The following NRG1 variants were observed in gnomAD, a reference collection of about 807,000 sequenced individuals.
NRG1 encodes pro-neuregulin-1, membrane-bound isoform.
A neutral mutation model predicts 63.8 loss-of-function variants in NRG1; 18 were observed. The ratio of observed to expected loss-of-function variants is 0.28; its 90% confidence interval spans 0.19 to 0.42. The LOEUF (loss-of-function observed/expected upper bound fraction) is 0.42. Ranked by LOEUF, NRG1 falls within the 10% of genes least tolerant of loss-of-function variation. The pLI, the probability that NRG1 is intolerant of heterozygous loss-of-function variation, is 1.00. For missense variants in NRG1, 762 were observed against 814.7 expected (o/e 0.94, Z 0.79); for synonymous variants, 302 against 301.3 (o/e 1.00, Z -0.02).
At chr8:31,972,641 C>T (rs1807488241) in intron 1 of NRG1, among the ~76,000 whole-genome samples, 1 of 152,144 alleles carries the variant, frequency 6.6e-6, no homozygotes, top group Admixed American at 6.5e-5. Flanking sequence ...CTCTCTTGGC[C>T]TTTCAACTCA....
intron 1 of NRG1, among the ~76,000 whole-genome samples, chr8:31,874,744 C>T (rs1169495224): frequency 6.6e-6 from 1 of 151,938 alleles, no homozygotes; most frequent in African/African-American, 2.4e-5. Context: ...CCACCTTCCC[C>T]CACCCCAACC....
chr8:32,363,443 T>A (rs1807503854), intron 1 of NRG1, among the ~76,000 whole-genome samples: 1 of 152,196 alleles, frequency 6.6e-6, no homozygotes, highest in African/African-American at 2.4e-5. Flanking sequence ...GGTATACGGG[T>A]ATTAAAATAC....
At position 32,383,972 on chromosome 8, in the gene NRG1, C is replaced by T. The variant is rs1345700877; in HGVS notation, c.38-211856C>T. 2.0e-5 allele frequency among the ~76,000 whole-genome samples: 3 copies of T among 152,208 alleles called. No individual in the cohort carries two copies. The South Asian group carries it at 6.2e-4, about 32-fold the overall frequency. ...AAATGAAGCTGGGCACAGTGGCTCACACTTGTAATCCCAGCATTTTGGGAG... is the reference window on the plus strand; with the variant it reads ...AAATGAAGCTGGGCACAGTGGCTCATACTTGTAATCCCAGCATTTTGGGAG... On this transcript the variant is annotated intron_variant, in intron 1 of 10. Coordinates refer to the NRG1 transcript ENST00000519301.
chr8:31,955,457 C>G (rs1428489102), intron 1 of NRG1, among the ~76,000 whole-genome samples: 1 of 152,146 alleles, frequency 6.6e-6, no homozygotes, highest in Non-Finnish European at 1.5e-5. Context: ...AGTTCTAAGA[C>G]AAAAGAAAGA....
chr8:32,003,181 G>T (rs1315166727), intron 1 of NRG1, among the ~76,000 whole-genome samples: 2 of 152,014 alleles, frequency 1.3e-5, no homozygotes, highest in Non-Finnish European at 2.9e-5. Context: ...TTTTGGAACA[G>T]CCTGCATTCC....
chr8:31,822,551 C>T (rs1251657760), intron 1 of NRG1, among the ~76,000 whole-genome samples: 1 of 152,150 alleles, frequency 6.6e-6, no homozygotes, highest in African/African-American at 2.4e-5. Context: ...GCCACTAGGC[C>T]TCCCAGTCGT....
At chr8:32,033,127 C>T (rs1818523734) in intron 1 of NRG1, among the ~76,000 whole-genome samples, 1 of 145,000 alleles carries the variant, frequency 6.9e-6, no homozygotes, top group Non-Finnish European at 1.5e-5. Flanking sequence ...CAGAGTCTCG[C>T]TCTTCTGCCC....
chr8:31,859,845 C>T (rs1206095059), intron 1 of NRG1, among the ~76,000 whole-genome samples: 1 of 152,290 alleles, frequency 6.6e-6, no homozygotes, highest in Middle Eastern at 3.4e-3. Context: ...CCTGGAAAAT[C>T]GAACTTAATT....
chr8:32,410,149 G>A (rs1201747034), intron 1 of NRG1, among the ~76,000 whole-genome samples: 4 of 146,872 alleles, frequency 2.7e-5, no homozygotes, highest in Non-Finnish European at 6.0e-5. Context: ...CCCCATTCCT[G>A]CCCTAAGGAA....
At chr8:31,647,743 C>T (rs1173322388) in intron 1 of NRG1, among the ~76,000 whole-genome samples, 1 of 152,164 alleles carries the variant, frequency 6.6e-6, no homozygotes, top group Admixed American at 6.5e-5. Flanking sequence ...CGGACACCTC[C>T]GGACAATCCT....
intron 1 of NRG1, among the ~76,000 whole-genome samples, chr8:32,256,979 C>T (rs745577203): frequency 6.6e-6 from 1 of 152,160 alleles, no homozygotes; most frequent in Non-Finnish European, 1.5e-5. Context: ...CAGAGATGCC[C>T]TGCCCAGAGA....
chr8:31,864,736 G>A (rs1828799178), intron 1 of NRG1, among the ~76,000 whole-genome samples: 1 of 152,152 alleles, frequency 6.6e-6, no homozygotes, highest in Admixed American at 6.6e-5. Context: ...ATGTGTGAGG[G>A]TCAGAAGAAC....
At chr8:32,120,377 G>A (rs935410062) in intron 1 of NRG1, among the ~76,000 whole-genome samples, 3 of 152,012 alleles carry the variant, frequency 2.0e-5, no homozygotes, top group Non-Finnish European at 2.9e-5. Flanking sequence ...TATCATCTAT[G>A]TGAGACTCAA....
intron 1 of NRG1, among the ~76,000 whole-genome samples, chr8:32,536,949 A>AAAAT (rs1563600097): frequency 1.4e-5 from 2 of 141,810 alleles, no homozygotes; most frequent in Admixed American, 7.0e-5. Context: ...AAAAAAAAAA[A>AAAAT]TTCTGTTTGT....
At chr8:32,368,352 T>C (rs998631187) in intron 1 of NRG1, among the ~76,000 whole-genome samples, 1 of 152,102 alleles carries the variant, frequency 6.6e-6, no homozygotes, top group Non-Finnish European at 1.5e-5. Flanking sequence ...GAAGATTGCT[T>C]GAGCCCCAGA....
At chr8:32,563,241 G>A in intron 1 of NRG1, among the ~76,000 whole-genome samples, 1 of 152,132 alleles carries the variant, frequency 6.6e-6, no homozygotes, top group Admixed American at 6.5e-5. Flanking sequence ...CTCACTTAGA[G>A]TCTTTAGTAG....
At chr8:32,672,313 G>C (rs1020801727) in intron 5 of NRG1, among the ~76,000 whole-genome samples, 4 of 152,020 alleles carry the variant, frequency 2.6e-5, no homozygotes, top group African/African-American at 9.7e-5. Flanking sequence ...CAAAGTGCTG[G>C]GATTACAGGT....
chr8:32,700,743 T>C (rs1814640593), intron 5 of NRG1, among the ~76,000 whole-genome samples: 2 of 152,192 alleles, frequency 1.3e-5, no homozygotes, highest in African/African-American at 4.8e-5. Context: ...TATGCTAAGA[T>C]AGTATATGTA....
rs530461709 is a variant in NRG1 at position 32,083,157 on chromosome 8, G to T, written c.37+443726G>T. Reference sequence around the variant, plus strand: ...CAGCTGCATGAAAAGGCCAAGCTTAGTATCATGTGTAATTTATGAGAGCTT... The same window carrying T: ...CAGCTGCATGAAAAGGCCAAGCTTATTATCATGTGTAATTTATGAGAGCTT... On this transcript the variant is annotated intron_variant, in intron 1 of 10. Transcript: ENST00000519301. Among the ~76,000 whole-genome samples the T allele has an allele frequency of 7.2e-5, 11 of 152,150 alleles. No homozygotes were observed. In the East Asian group the frequency reaches 2.1e-3, roughly 29 times the overall value.
Sources: allele counts gnomAD v4.1 joint callset (sites outside exome capture counted in the v4.1 genomes callset), GRCh38; gene constraint gnomAD v4.1.1; transcripts MANE v1.5; gene names NCBI Gene and HGNC (gene_info 2026-07-23, HGNC 2026-07-21).